EIF3M: variants seen among roughly 807,000 people sequenced by gnomAD.
EIF3M encodes the protein B5 receptor.
A neutral mutation model predicts 49.7 loss-of-function variants in EIF3M; 25 were observed. That is an observed-to-expected ratio of 0.50 (90% CI 0.37 to 0.70). The LOEUF (loss-of-function observed/expected upper bound fraction) is 0.70, where lower values mean the gene tolerates loss of function less well. EIF3M is among the 30% of genes least tolerant of loss of function. The pLI is 0.00. For synonymous variants in EIF3M, 156 were observed against 149.8 expected (o/e 1.04, Z -0.30); for missense variants, 350 against 440.0 (o/e 0.80, Z 1.83).
In EIF3M at chr11:32,602,753, TA is replaced by T; in HGVS notation, c.*359del. On this transcript the variant is annotated 3_prime_UTR_variant, in exon 11 of 11. Coordinates refer to ENST00000531120, the MANE Select transcript of EIF3M (RefSeq NM_006360.6). ...AAATACAACAGTCATTTTATTCTAG[TA>T]AAAACTATACCAGAATTTCAGTTAC... The T allele has an allele frequency of 8.0e-7, 1 of 1,257,630 alleles. No homozygotes were observed. The highest frequency in any genetic ancestry group is 1.1e-6 in the Non-Finnish European group (1 of 915,962). The allele number at this position is 1,257,630 out of a possible 1,614,324, so 77.9% of individuals were successfully genotyped here. A position where few individuals can be genotyped will look rare whatever the true frequency, so the allele number is the denominator to read the frequency against.
chr11:32,602,409 C>T lies in EIF3M; in HGVS notation c.*10C>T, dbSNP rs1390013974. 1 of 1,602,096 alleles carries T rather than the reference C, an allele frequency of 6.2e-7. No individual in the cohort carries two copies. The highest frequency in any genetic ancestry group is 8.5e-7 in the Non-Finnish European group (1 of 1,175,212). On this transcript the variant is annotated 3_prime_UTR_variant, in exon 11 of 11. Transcript: ENST00000531120. ...TCTTTCTGATACCTGAGTTTTTATG[C>T]TTATAATTTTTGTTCTTTGAAAAAA...
intron 8 of EIF3M, among the ~76,000 whole-genome samples, chr11:32,596,934 G>A (rs1565050116): frequency 1.3e-5 from 2 of 152,010 alleles, no homozygotes; most frequent in Non-Finnish European, 1.5e-5. Flanking sequence ...GAGAGAAAAT[G>A]ACTTGGAACC....
Position 32,603,263 on chromosome 11 carries a change from A to T in EIF3M, c.*864A>T, listed in dbSNP as rs1855300806. ...TACAAAAACTGCCTTTTACTACTTC[A>T]TGTTTCCTCCCATGCTTCAGAACAC... On this transcript the variant is annotated 3_prime_UTR_variant, in exon 11 of 11. Coordinates refer to ENST00000531120, the MANE Select transcript of EIF3M (RefSeq NM_006360.6). The T allele has an allele frequency of 2.7e-6, 1 of 374,452 alleles. No individual in the cohort carries two copies. Among genetic ancestry groups the T allele is most frequent in the Non-Finnish European group, 4.8e-6 (1 of 209,826 alleles). 23.2% of individuals were successfully genotyped at this position (374,452 alleles called of 1,614,324 possible). A position where few individuals can be genotyped will look rare whatever the true frequency, so the allele number is the denominator to read the frequency against.
intron 8 of EIF3M, among the ~76,000 whole-genome samples, chr11:32,599,252 C>G (rs984784303): frequency 6.6e-6 from 1 of 151,956 alleles, no homozygotes; most frequent in Non-Finnish European, 1.5e-5. Context: ...GAAAGTTAAT[C>G]GGCATCTAAT....
At chr11:32,593,082 G>A (rs1164319588) in intron 5 of EIF3M, among the ~76,000 whole-genome samples, 1 of 152,220 alleles carries the variant, frequency 6.6e-6, no homozygotes, top group Non-Finnish European at 1.5e-5. Context: ...TAAAATAAAT[G>A]ATACAGTTCC....
In EIF3M at chr11:32,602,349, C is replaced by G. The variant is rs200108153; in HGVS notation, c.1075C>G (p.Gln359Glu). 6.2e-7 allele frequency: 1 copy of G among 1,612,348 alleles called. No individual in the cohort carries two copies. Among genetic ancestry groups the G allele is most frequent in the Non-Finnish European group, 8.5e-7 (1 of 1,178,968 alleles). Residue 359 changes from glutamine to glutamate, a missense_variant, in exon 11 of 11, where the codon CAA (glutamine) becomes GAA (glutamate). Coordinates refer to ENST00000531120, the MANE Select transcript of EIF3M (RefSeq NM_006360.6). ...GTATGACACACTTAATGCCTGGAAA[C>G]AAAATCTGAACAAAGTGAAAAACAG... ...QLYDTLNAWK[Q>E]NLNKVKNSLL...
intron 10 of EIF3M, 154 bp downstream of exon 10, chr11:32,601,976 G>A: frequency 1.1e-6 from 1 of 895,642 alleles, no homozygotes; most frequent in Non-Finnish European, 1.7e-6. Flanking sequence ...CAGACTGAAT[G>A]TGATTAGCTT....
At chr11:32,590,295 G>T (rs1166397799) in intron 5 of EIF3M, among the ~76,000 whole-genome samples, 1 of 152,160 alleles carries the variant, frequency 6.6e-6, no homozygotes, top group Non-Finnish European at 1.5e-5. Flanking sequence ...TATTGTCTGT[G>T]CCTGCTTTTG....
intron 5 of EIF3M, among the ~76,000 whole-genome samples, chr11:32,592,943 C>G (rs954720386): frequency 6.6e-6 from 1 of 152,228 alleles, no homozygotes; most frequent in Non-Finnish European, 1.5e-5. Context: ...TTGGCATGCG[C>G]CACTGTGCCT....
At chr11:32,592,485 G>A (rs780554751) in intron 5 of EIF3M, 4 of 526,936 alleles carry the variant, frequency 7.6e-6, no homozygotes, top group African/African-American at 3.8e-5. Context: ...TGGGCACTGG[G>A]CTTTACAGAA....
chr11:32,588,921 G>T, intron 3 of EIF3M, 91 bp from the exon 4 acceptor site: 2 of 1,549,154 alleles, frequency 1.3e-6, no homozygotes, highest in Non-Finnish European at 1.7e-6. Context: ...GTTGTTAACG[G>T]TACCTGCCAC....
intron 5 of EIF3M, chr11:32,592,568 A>T (rs963916986): frequency 1.1e-5 from 6 of 543,278 alleles, no homozygotes; most frequent in Non-Finnish European, 2.2e-5. Flanking sequence ...ACATTGCTGC[A>T]TCCACCTCTT....
At chr11:32,601,533 A>C (rs1855264612) in intron 9 of EIF3M, 1 of 348,666 alleles carries the variant, frequency 2.9e-6, no homozygotes, top group East Asian at 4.4e-5. Context: ...ACAGCAAAAA[A>C]CTGTATGCAG....
At position 32,603,152 on chromosome 11, in the gene EIF3M, T is replaced by G. The variant is rs1193079033; in HGVS notation, c.*753T>G. The G allele has an allele frequency of 1.5e-6, 1 of 659,974 alleles. No homozygotes were observed. Among genetic ancestry groups the G allele is most frequent in the Non-Finnish European group, 2.6e-6 (1 of 391,768 alleles). The allele number at this position is 659,974 out of a possible 1,614,324, so 40.9% of individuals were successfully genotyped here. Reference sequence around the variant, plus strand: ...GGCTGATTTCCACTACCTTAGTAGTTCTGGCACCAGAAAAGTATACAATGT... The same window carrying G: ...GGCTGATTTCCACTACCTTAGTAGTGCTGGCACCAGAAAAGTATACAATGT... On this transcript the variant is annotated 3_prime_UTR_variant, in exon 11 of 11. Transcript: ENST00000531120.
chr11:32,594,158 C>T (rs563794727), intron 6 of EIF3M: 2 of 357,856 alleles, frequency 5.6e-6, no homozygotes, highest in South Asian at 1.4e-4. Context: ...AGCTGCATGG[C>T]GTTTACCTGG....
chr11:32,585,110 T>C (rs1854974969), intron 1 of EIF3M, among the ~76,000 whole-genome samples: 1 of 151,916 alleles, frequency 6.6e-6, no homozygotes, highest in Non-Finnish European at 1.5e-5. Flanking sequence ...CGCCCCATGG[T>C]AGGAATGCAG....
chr11:32,603,602 A>C lies in EIF3M; in HGVS notation c.*1203A>C, dbSNP rs1855305767. 6.6e-6 allele frequency: 1 copy of C among 152,156 alleles called. No individual in the cohort carries two copies. The highest frequency in any genetic ancestry group is 2.4e-5 in the African/African-American group (1 of 41,424). 9.4% of individuals were successfully genotyped at this position (152,156 alleles called of 1,614,324 possible). ...TATTTTCCTCTGTGAGCAGTTTCTTAGGTCATTAAAAACAATTGTCTATGG... is the reference window on the plus strand; with the variant it reads ...TATTTTCCTCTGTGAGCAGTTTCTTCGGTCATTAAAAACAATTGTCTATGG... On this transcript the variant is annotated 3_prime_UTR_variant, in exon 11 of 11. Transcript: ENST00000531120.
At chr11:32,589,885 G>A (rs935647242) in intron 5 of EIF3M, among the ~76,000 whole-genome samples, 2 of 152,136 alleles carry the variant, frequency 1.3e-5, no homozygotes, top group African/African-American at 4.8e-5. Flanking sequence ...AAGAAAGGTG[G>A]GGCCTTTCCA....
intron 5 of EIF3M, 181 bp from the exon 6 acceptor site, chr11:32,593,685 T>C: frequency 2.6e-6 from 1 of 389,336 alleles, no homozygotes; most frequent in South Asian, 1.2e-4. Flanking sequence ...TAGTTACTTT[T>C]CCTTAGTTGT....
Sources: allele counts gnomAD v4.1 joint callset (sites outside exome capture counted in the v4.1 genomes callset), GRCh38; gene constraint gnomAD v4.1.1; transcripts MANE v1.5; gene names NCBI Gene and HGNC (gene_info 2026-07-23, HGNC 2026-07-21).